LRRC3B: variants seen among roughly 807,000 people sequenced by gnomAD.
LRRC3B encodes leucine rich repeat containing 3B, also known as leucine-rich repeat-containing protein 3B.
In LRRC3B, 2 loss-of-function variants were observed where a neutral mutation model predicts 12.8. The ratio of observed to expected loss-of-function variants is 0.16; its 90% CI spans 0.06 to 0.49. The LOEUF (loss-of-function observed/expected upper bound fraction) is 0.49. Among genes scored for constraint, LRRC3B ranks in the 20% least tolerant of loss-of-function variants. The probability of loss-of-function intolerance (pLI) is 0.96; values close to 1 mark genes in which losing one functional copy is unlikely to be tolerated. For missense variants in LRRC3B, 189 were observed against 319.4 expected (o/e 0.59, Z 3.11); for synonymous variants, 132 against 122.0 (o/e 1.08, Z -0.54).
intron 1 of LRRC3B, among the ~76,000 whole-genome samples, chr3:26,671,417 A>AGAGAGAG (rs1699745486): frequency 2.5e-5 from 1 of 39,746 alleles, no homozygotes; most frequent in African/African-American, 7.7e-5. Flanking sequence ...GAGAGAGACG[A>AGAGAGAG]AGTCTTGCTC....
Position 26,655,195 on chromosome 3 carries a change from C to G in LRRC3B, c.-161+31958C>G, listed in dbSNP as rs182031672. ...TAAAAATTGTTTCTTCTTAGATACT[C>G]TACTGCAGTGAATTAAACAGTGAAG... On this transcript the variant is annotated intron_variant, in intron 1 of 1. Coordinates refer to ENST00000396641, the Ensembl canonical transcript of LRRC3B. Among the ~76,000 whole-genome samples, 36 of 152,080 alleles carry G rather than the reference C, an allele frequency of 2.4e-4. No individual in the cohort carries two copies. In the East Asian group the frequency reaches 6.4e-3, roughly 27 times the overall value.
intron 1 of LRRC3B, among the ~76,000 whole-genome samples, chr3:26,646,626 A>C (rs951354736): frequency 2.1e-5 from 3 of 146,126 alleles, no homozygotes; most frequent in Admixed American, 1.4e-4. Flanking sequence ...AAAAAAAAAA[A>C]AAAAAAAAAA....
intron 1 of LRRC3B, among the ~76,000 whole-genome samples, chr3:26,636,966 CTTTCTTTCTCTCTCTCTCTT>C (rs1559350433): frequency 5.1e-5 from 6 of 118,630 alleles, no homozygotes; most frequent in South Asian, 3.0e-4. Flanking sequence ...TTCTTTCTTT[CTTTCTTTCTCTCTCTCTCTT>C]TCTCTCTTTC....
At chr3:26,697,598 A>ATAATC (rs1351885221) in intron 1 of LRRC3B, among the ~76,000 whole-genome samples, 1 of 152,170 alleles carries the variant, frequency 6.6e-6, no homozygotes, top group African/African-American at 2.4e-5. Flanking sequence ...TTGGCTTATC[A>ATAATC]TAATCTATCC....
intron 1 of LRRC3B, among the ~76,000 whole-genome samples, chr3:26,627,339 T>G (rs1314611693): frequency 6.6e-6 from 1 of 152,120 alleles, no homozygotes; most frequent in African/African-American, 2.4e-5. Flanking sequence ...CAGAATCAGA[T>G]CAGCGGGGCA....
At chr3:26,693,833 C>T (rs1464612202) in intron 1 of LRRC3B, among the ~76,000 whole-genome samples, 1 of 151,976 alleles carries the variant, frequency 6.6e-6, no homozygotes, top group Non-Finnish European at 1.5e-5. Context: ...ATAATCTTTT[C>T]AAAAAGAAAA....
intron 1 of LRRC3B, among the ~76,000 whole-genome samples, chr3:26,643,849 G>T (rs946406539): frequency 1.3e-5 from 2 of 152,044 alleles, no homozygotes; most frequent in South Asian, 4.1e-4. Context: ...CAGTTTGGCC[G>T]GGCAACCTTG....
chr3:26,624,456 G>A (rs998221028), intron 1 of LRRC3B: 2 of 152,672 alleles, frequency 1.3e-5, no homozygotes, highest in African/African-American at 4.8e-5. Flanking sequence ...CTCCCAGGGG[G>A]AGACGTGTGT....
intron 1 of LRRC3B, among the ~76,000 whole-genome samples, chr3:26,666,917 G>A (rs1244482502): frequency 6.6e-6 from 1 of 152,070 alleles, no homozygotes; most frequent in Non-Finnish European, 1.5e-5. Context: ...TAATAGAAAT[G>A]TGTCAACTAC....
At chr3:26,665,435 T>A (rs1699578785) in intron 1 of LRRC3B, among the ~76,000 whole-genome samples, 1 of 152,182 alleles carries the variant, frequency 6.6e-6, no homozygotes, top group South Asian at 2.1e-4. Context: ...CATTGCTTTG[T>A]CTCGTTGATG....
At chr3:26,690,037 G>A (rs1700159273) in intron 1 of LRRC3B, among the ~76,000 whole-genome samples, 1 of 152,164 alleles carries the variant, frequency 6.6e-6, no homozygotes, top group African/African-American at 2.4e-5. Context: ...CCTCTTACAT[G>A]CTGTGACTCT....
chr3:26,709,577 C>G, exon 2 of LRRC3B: 1 of 1,245,436 alleles, frequency 8.0e-7, no homozygotes, highest in South Asian at 1.4e-5. Context: ...TTGAAACACG[C>G]AAGAAGGAAA....
chr3:26,629,304 A>G (rs367547601), intron 1 of LRRC3B, among the ~76,000 whole-genome samples: 2 of 151,768 alleles, frequency 1.3e-5, no homozygotes, highest in African/African-American at 4.8e-5. Context: ...TGATAGAAGA[A>G]GTATTCAGTA....
chr3:26,680,531 G>A (rs1699949875), intron 1 of LRRC3B, among the ~76,000 whole-genome samples: 1 of 152,184 alleles, frequency 6.6e-6, no homozygotes, highest in Non-Finnish European at 1.5e-5. Flanking sequence ...GGGTAGGGTA[G>A]CCCAGAAGTG....
chr3:26,668,586 G>A (rs974225941), intron 1 of LRRC3B, among the ~76,000 whole-genome samples: 5 of 152,128 alleles, frequency 3.3e-5, no homozygotes, highest in African/African-American at 1.2e-4. Flanking sequence ...CAAGAATCTG[G>A]GTTTTTAAGT....
At chr3:26,656,149 G>T (rs1699367519) in intron 1 of LRRC3B, among the ~76,000 whole-genome samples, 1 of 152,166 alleles carries the variant, frequency 6.6e-6, no homozygotes, top group Non-Finnish European at 1.5e-5. Context: ...CAGAACAAGA[G>T]GTATATTGGT....
At chr3:26,698,625 C>A (rs1185453695) in intron 1 of LRRC3B, among the ~76,000 whole-genome samples, 1 of 152,074 alleles carries the variant, frequency 6.6e-6, no homozygotes, top group Non-Finnish European at 1.5e-5. Flanking sequence ...AACTTTCAGA[C>A]AAGTTGAAAA....
rs768001958 is a variant in LRRC3B at position 26,685,615 on chromosome 3, G to GTATATATATATA, written c.-160-23890_-160-23879dup. Among the ~76,000 whole-genome samples the GTATATATATATA allele has an allele frequency of 2.3e-3, 277 of 120,440 alleles. 7 individuals are homozygous for GTATATATATATA. In the East Asian group the frequency reaches 0.044, roughly 19 times the overall value. The allele number at this position is 120,440 out of a possible 152,430, so 79.0% of individuals were successfully genotyped here. ...CACTCATATATATATATGTGTGTGT[G>GTATATATATATA]TATATATATATATATATATCTATAT... On this transcript the variant is annotated intron_variant, in intron 1 of 1. Transcript: ENST00000396641.
At chr3:26,663,203 G>A (rs1482713677) in intron 1 of LRRC3B, among the ~76,000 whole-genome samples, 1 of 152,050 alleles carries the variant, frequency 6.6e-6, no homozygotes, top group Non-Finnish European at 1.5e-5. Context: ...TTCTGTCTCT[G>A]GCAATATTTT....
Sources: allele counts gnomAD v4.1 joint callset (sites outside exome capture counted in the v4.1 genomes callset), GRCh38; gene constraint gnomAD v4.1.1; transcripts MANE v1.5; gene names NCBI Gene and HGNC (gene_info 2026-07-23, HGNC 2026-07-21).